HELZ: variants seen among roughly 807,000 people sequenced by gnomAD.
The protein encoded by HELZ is helicase with zinc finger.
In HELZ, 23 loss-of-function variants were observed where a neutral mutation model predicts 218.2. The ratio of observed to expected loss-of-function variants is 0.11; its 90% CI spans 0.08 to 0.15. HELZ has a LOEUF of 0.15. HELZ is among the 10% of genes least tolerant of loss of function. The pLI, the probability that HELZ is intolerant of heterozygous loss-of-function variation, is 1.00. For synonymous variants in HELZ, 814 were observed against 829.4 expected, an observed-to-expected ratio of 0.98 and a Z score of 0.32; for missense variants, 1,813 against 2,353.7, an observed-to-expected ratio of 0.77 and a Z score of 4.75.
At chr17:67,139,090 C>A (rs927330661) in intron 21 of HELZ, among the ~76,000 whole-genome samples, 83 of 151,828 alleles carry the variant, frequency 5.5e-4, no homozygotes, top group African/African-American at 1.9e-3. Context: ...CTAACAGTAT[C>A]TATTTTAATT....
At chr17:67,122,920 G>GA in intron 26 of HELZ, 50 bp downstream of exon 26, 1 of 1,375,878 alleles carries the variant, frequency 7.3e-7, no homozygotes, top group East Asian at 2.3e-5. Context: ...CCATTTTAGT[G>GA]AAACCTATTT....
intron 32 of HELZ, among the ~76,000 whole-genome samples, chr17:67,079,105 CATTTCCTATA>C (rs2036106247): frequency 6.6e-6 from 1 of 152,188 alleles, no homozygotes; most frequent in Non-Finnish European, 1.5e-5. Flanking sequence ...AATGACTTCA[CATTTCCTATA>C]ATGTGCCTGA....
chr17:67,130,310 T>C (rs1048754851), intron 23 of HELZ, among the ~76,000 whole-genome samples: 6 of 151,806 alleles, frequency 4.0e-5, no homozygotes, highest in African/African-American at 9.7e-5. Context: ...CAAAAACCAC[T>C]TGTACCCATA....
intron 13 of HELZ, among the ~76,000 whole-genome samples, chr17:67,176,162 T>C (rs892161112): frequency 6.6e-6 from 1 of 152,210 alleles, no homozygotes; most frequent in Non-Finnish European, 1.5e-5. Flanking sequence ...AATCAGCTGT[T>C]AGTCTACCAA....
chr17:67,191,970 A>AAGGC (rs2039908985), intron 9 of HELZ, among the ~76,000 whole-genome samples: 1 of 151,770 alleles, frequency 6.6e-6, no homozygotes, highest in Non-Finnish European at 1.5e-5. Context: ...TTGGGAGGCC[A>AAGGC]AGGCAGGCGC....
chr17:67,104,276 A>G (rs1388409911), intron 31 of HELZ, among the ~76,000 whole-genome samples: 1 of 151,970 alleles, frequency 6.6e-6, no homozygotes, highest in African/African-American at 2.4e-5. Context: ...CTACTAAAAA[A>G]AATACAAAAA....
intron 17 of HELZ, among the ~76,000 whole-genome samples, chr17:67,156,825 T>C (rs1005199798): frequency 6.6e-6 from 1 of 152,210 alleles, no homozygotes; most frequent in Non-Finnish European, 1.5e-5. Flanking sequence ...AAGTGGTTTT[T>C]CAAATTACTC....
chr17:67,137,502 T>C (rs973272154), intron 22 of HELZ, among the ~76,000 whole-genome samples: 3 of 152,210 alleles, frequency 2.0e-5, no homozygotes, highest in Non-Finnish European at 4.4e-5. Context: ...GCTTCATATA[T>C]TTAAAAGCAC....
Position 67,128,658 on chromosome 17 carries a change from G to A in HELZ, c.3380C>T (p.Pro1127Leu), listed in dbSNP as rs775110356. 20 of 1,613,688 alleles carry A rather than the reference G, an allele frequency of 1.2e-5. No individual in the cohort carries two copies. Among genetic ancestry groups the A allele is most frequent in the Non-Finnish European group, 1.7e-5 (20 of 1,179,588 alleles). Reference sequence around the variant, plus strand: ...CATTAACAGAGGCTTTACCTTGGGTGGTGATTGCTGCTGTTTGTTGGTACT... The same window carrying A: ...CATTAACAGAGGCTTTACCTTGGGTAGTGATTGCTGCTGTTTGTTGGTACT... ...SGSTNKQQQS[P>L]PKGKSLHHTQ... Residue 1127 changes from proline to leucine, a missense_variant, in exon 24 of 33, where the codon CCA becomes CTA. This residue lies in a region of HELZ where 938 missense variants were observed against 1,027.5 expected (regional missense o/e 0.91). Coordinates refer to ENST00000358691, the MANE Select transcript of HELZ (RefSeq NM_014877.4).
intron 17 of HELZ, among the ~76,000 whole-genome samples, chr17:67,153,552 C>T (rs74381244): frequency 0.051 from 7,704 of 152,264 alleles, 676 homozygotes; most frequent in African/African-American, 0.18. Flanking sequence ...CCTCTCTAAG[C>T]TTCATTTCTT....
At chr17:67,231,647 G>A (rs916914854) in intron 3 of HELZ, among the ~76,000 whole-genome samples, 6 of 151,076 alleles carry the variant, frequency 4.0e-5, no homozygotes, top group African/African-American at 1.5e-4. Context: ...TTTGACAAAC[G>A]TGCCGTGGAA....
chr17:67,203,342 T>G lies in HELZ; in HGVS notation c.349A>C (p.Lys117Gln). The stretch of plus-strand genomic sequence containing the variant: ...ACCAGGGACTCTCCTGTGAGTGACT[T>G]GGCAAGAATGGTGGATACAGGTTGG... ...KLQPVSTILA[K>Q]SLTGESLNGM... The change falls in exon 6 of 33, where the codon AAG (lysine) becomes CAG (glutamine). Residue 117 changes from lysine to glutamine, a missense_variant. Transcript: ENST00000358691. The G allele has an allele frequency of 6.2e-7, 1 of 1,614,102 alleles. No homozygotes were observed. Among genetic ancestry groups the G allele is most frequent in the Non-Finnish European group, 8.5e-7 (1 of 1,179,972 alleles).
intron 27 of HELZ, among the ~76,000 whole-genome samples, chr17:67,118,980 A>G (rs568699909): frequency 8.5e-5 from 13 of 152,304 alleles, no homozygotes; most frequent in Admixed American, 5.2e-4. Flanking sequence ...TCCACTAACA[A>G]GAGTAAAATT....
chr17:67,162,924 G>GC (rs1473088078), intron 15 of HELZ, among the ~76,000 whole-genome samples: 1 of 152,086 alleles, frequency 6.6e-6, no homozygotes, highest in African/African-American at 2.4e-5. Flanking sequence ...GCCCTGCAGA[G>GC]CTCCTGCACA....
rs568277876 is a variant in HELZ at position 67,074,586 on chromosome 17, T to C, written c.*3666A>G. 4 of 152,208 alleles carry C rather than the reference T, an allele frequency of 2.6e-5. No individual in the cohort carries two copies. Among genetic ancestry groups the C allele is most frequent in the Non-Finnish European group, 5.9e-5 (4 of 67,964 alleles). 9.4% of individuals were successfully genotyped at this position (152,208 alleles called of 1,614,324 possible). ...GCAGCTTTGCTCTTGACATGAAAAA[T>C]ATTAAACACATAAAATCAACTACAC... On this transcript the variant is annotated 3_prime_UTR_variant, in exon 33 of 33. Transcript: ENST00000358691.
In HELZ at chr17:67,161,042, C is replaced by T; in HGVS notation, c.1930G>A (p.Ala644Thr). Residue 644 changes from alanine (A) to threonine (T), a missense_variant, in exon 16 of 33, where the codon GCA becomes ACA. Ala to Thr is a moderately conservative substitution (Grantham distance 58). Around this residue, in one of 4 missense-constraint regions of HELZ, gnomAD observed 714 missense variants for 1,029.2 expected, o/e 0.69. Transcript: ENST00000358691. ...GCCAGAACAGCCTCTTTCTGTTTTGCATTTAGTCGAGGATCCAACTGTTCA... is the reference window on the plus strand; with the variant it reads ...GCCAGAACAGCCTCTTTCTGTTTTGTATTTAGTCGAGGATCCAACTGTTCA... ...WDEQLDPRLNAKQKEAVLAIT... is the reference protein window; with the variant it reads ...WDEQLDPRLNTKQKEAVLAIT... 1 of 1,612,290 alleles carries T rather than the reference C, an allele frequency of 6.2e-7. No individual in the cohort carries two copies. Among genetic ancestry groups the T allele is most frequent in the Non-Finnish European group, 8.5e-7 (1 of 1,179,126 alleles).
chr17:67,139,283 A>C (rs2038249046), intron 21 of HELZ, among the ~76,000 whole-genome samples: 1 of 152,302 alleles, frequency 6.6e-6, no homozygotes. Flanking sequence ...CAGACTACCC[A>C]GGGAAGGTGA....
intron 15 of HELZ, among the ~76,000 whole-genome samples, chr17:67,163,971 ATAC>A (rs1049376953): frequency 4.3e-4 from 65 of 152,356 alleles, no homozygotes; most frequent in African/African-American, 1.5e-3. Context: ...GTATTTAAAT[ATAC>A]TACATCATAT....
chr17:67,140,979 T>C lies in HELZ; in HGVS notation c.2770-2865A>G, dbSNP rs530752997. 1.3e-4 allele frequency among the ~76,000 whole-genome samples: 18 copies of C among 141,660 alleles called. No individual in the cohort carries two copies. In the South Asian group the frequency reaches 1.6e-3, roughly 12 times the overall value. 92.9% of individuals were successfully genotyped at this position (141,660 alleles called of 152,430 possible). On this transcript the variant is annotated intron_variant, in intron 21 of 32. Coordinates refer to ENST00000358691, the MANE Select transcript of HELZ (RefSeq NM_014877.4). ...CAATTCAACCAATAATCTTATATTC[T>C]ACTTTTCAAAAATGAGGGCAAAATA...
Sources: allele counts gnomAD v4.1 joint callset (sites outside exome capture counted in the v4.1 genomes callset), GRCh38; gene constraint gnomAD v4.1.1; regional missense constraint gnomAD v4.1.1; transcripts MANE v1.5; gene names NCBI Gene and HGNC (gene_info 2026-07-23, HGNC 2026-07-21).